The following NAA15 variants were observed in gnomAD, a reference collection of about 807,000 sequenced individuals.
NAA15 encodes the protein N-alpha-acetyltransferase 15, NatA auxiliary subunit.
NAA15 carries 34 observed loss-of-function variants against 114.0 expected under a neutral mutation model. That is an observed-to-expected ratio of 0.30 (90% CI 0.23 to 0.40). NAA15 has a LOEUF of 0.40. Ranked by LOEUF, NAA15 falls within the 10% of genes least tolerant of loss-of-function variation. The pLI is 1.00. For missense variants in NAA15, 658 were observed against 1,004.5 expected, an observed-to-expected ratio of 0.66 and a Z score of 4.66; for synonymous variants, 340 against 338.0, an observed-to-expected ratio of 1.01 and a Z score of -0.06.
At chr4:139,322,229 G>T (rs1052078343) in intron 1 of NAA15, among the ~76,000 whole-genome samples, 2 of 152,164 alleles carry the variant, frequency 1.3e-5, no homozygotes, top group Non-Finnish European at 2.9e-5. Flanking sequence ...TTCCTGTGCT[G>T]TTCTCATGAT....
intron 1 of NAA15, among the ~76,000 whole-genome samples, chr4:139,305,676 A>G (rs764465842): frequency 6.6e-6 from 1 of 151,924 alleles, no homozygotes; most frequent in South Asian, 2.1e-4. Flanking sequence ...CTGGGATTAC[A>G]GGCGTGTGCC....
At chr4:139,366,890 T>C (rs927148734) in intron 14 of NAA15, among the ~76,000 whole-genome samples, 2 of 152,218 alleles carry the variant, frequency 1.3e-5, no homozygotes, top group Admixed American at 1.3e-4. Context: ...ATTACAGGCA[T>C]GAGCCACCAC....
intron 1 of NAA15, among the ~76,000 whole-genome samples, chr4:139,332,013 A>G (rs1239850505): frequency 6.6e-6 from 1 of 152,096 alleles, no homozygotes; most frequent in Non-Finnish European, 1.5e-5. Context: ...CAAGCACACT[A>G]GTTCGATTTT....
intron 17 of NAA15, chr4:139,379,276 A>G (rs1407972185): frequency 6.5e-6 from 1 of 152,774 alleles, no homozygotes; most frequent in Non-Finnish European, 1.5e-5. Flanking sequence ...GAGTCATAAA[A>G]TTTTTTGTTA....
chr4:139,385,272 T>TATATATATA (rs1553999060), intron 18 of NAA15, among the ~76,000 whole-genome samples: 3 of 98,746 alleles, frequency 3.0e-5, no homozygotes, highest in African/African-American at 1.0e-4. Flanking sequence ...AAACCAAACA[T>TATATATATA]ATATATATAT....
intron 1 of NAA15, among the ~76,000 whole-genome samples, chr4:139,308,508 T>A (rs926770100): frequency 2.0e-5 from 3 of 152,234 alleles, no homozygotes; most frequent in African/African-American, 7.2e-5. Context: ...TGCTTGTACT[T>A]CATATATTTA....
At chr4:139,376,717 T>C (rs975864880) in intron 16 of NAA15, among the ~76,000 whole-genome samples, 1 of 152,244 alleles carries the variant, frequency 6.6e-6, no homozygotes, top group Non-Finnish European at 1.5e-5. Flanking sequence ...CAGATGTAAT[T>C]ACCATGTATA....
chr4:139,315,008 T>TCAGGTCAGGTCAGGTCAGGTC (rs1746346084), intron 1 of NAA15, among the ~76,000 whole-genome samples: 1 of 96,684 alleles, frequency 1.0e-5, no homozygotes, highest in Non-Finnish European at 2.1e-5. Flanking sequence ...CAGTTTAGTT[T>TCAGGTCAGGTCAGGTCAGGTC]AGGTTAGGTT....
At position 139,385,850 on chromosome 4, in the gene NAA15, T is replaced by G. The variant is rs1467721325; in HGVS notation, c.2303-283T>G. ...CAAGTATTATTAGAATGCTTGTGTT[T>G]CTTCATAGTCTCCTTTACTGTGCAT... On this transcript the variant is annotated intron_variant, in intron 18 of 19. Coordinates refer to ENST00000296543, the MANE Select transcript of NAA15 (RefSeq NM_057175.5). 2.0e-5 allele frequency among the ~76,000 whole-genome samples: 3 copies of G among 152,338 alleles called. No individual in the cohort carries two copies. In the East Asian group the frequency reaches 5.8e-4, roughly 29 times the overall value.
At chr4:139,352,523 A>G (rs1747811303) in intron 9 of NAA15, among the ~76,000 whole-genome samples, 1 of 152,146 alleles carries the variant, frequency 6.6e-6, no homozygotes, top group African/African-American at 2.4e-5. Context: ...GATGGAGCAA[A>G]TGAGACATAT....
chr4:139,334,065 T>C (rs1747118462), intron 1 of NAA15, 109 bp from the exon 2 acceptor site: 13 of 686,852 alleles, frequency 1.9e-5, no homozygotes, highest in Non-Finnish European at 3.0e-5. Context: ...TTTAGAAGCA[T>C]ATGGAAATAG....
chr4:139,343,025 G>T, intron 5 of NAA15, 65 bp downstream of exon 5: 1 of 1,413,054 alleles, frequency 7.1e-7, no homozygotes, highest in East Asian at 2.3e-5. Context: ...AATGTGCATA[G>T]TCTGGCTTAC....
At chr4:139,371,463 ACT>A (rs1307774133) in intron 15 of NAA15, among the ~76,000 whole-genome samples, 1 of 145,296 alleles carries the variant, frequency 6.9e-6, no homozygotes, top group Non-Finnish European at 1.5e-5. Context: ...ACATAGCAAG[ACT>A]CTGTCTCTTA....
intron 1 of NAA15, among the ~76,000 whole-genome samples, chr4:139,310,613 A>T (rs1309848306): frequency 6.6e-6 from 1 of 151,238 alleles, no homozygotes; most frequent in Non-Finnish European, 1.5e-5. Context: ...TTTAATTTTA[A>T]ATTTATTTTT....
rs1460554966 is a variant in NAA15, at chr4:139,389,096, A to G, written c.*1012A>G. 2 of 152,448 alleles carry G rather than the reference A, an allele frequency of 1.3e-5. No homozygotes were observed. Among genetic ancestry groups the G allele is most frequent in the Non-Finnish European group, 2.9e-5 (2 of 67,990 alleles). 9.4% of individuals were successfully genotyped at this position (152,448 alleles called of 1,614,324 possible). ...CTCTGGAATTTTTCCACAGTGTCAC[A>G]GGTTTGTAATACTTGAAGCCCTACA... On this transcript the variant is annotated 3_prime_UTR_variant, in exon 20 of 20. Transcript: ENST00000296543.
At chr4:139,386,308 C>T in intron 19 of NAA15, 78 bp downstream of exon 19, 2 of 731,334 alleles carry the variant, frequency 2.7e-6, no homozygotes, top group Non-Finnish European at 2.3e-6. Flanking sequence ...GGTATTTATA[C>T]ACACTGTTTT....
At chr4:139,352,557 T>C (rs1361313354) in intron 9 of NAA15, among the ~76,000 whole-genome samples, 1 of 152,138 alleles carries the variant, frequency 6.6e-6, no homozygotes, top group Non-Finnish European at 1.5e-5. Context: ...CAGAATTACA[T>C]AATGTGCATT....
At position 139,389,371 on chromosome 4, in the gene NAA15, A is replaced by T. The variant is rs994816439; in HGVS notation, c.*1287A>T. Reference sequence around the variant, plus strand: ...TGTGTTGGGCTTCTGTGAAATACACAGGTGGAAACAGAGGTGCAAGCCAGA... The same window carrying T: ...TGTGTTGGGCTTCTGTGAAATACACTGGTGGAAACAGAGGTGCAAGCCAGA... On this transcript the variant is annotated 3_prime_UTR_variant, in exon 20 of 20. Transcript: ENST00000296543. 6.6e-6 allele frequency: 1 copy of T among 152,580 alleles called. No homozygotes were observed. The highest frequency in any genetic ancestry group is 1.5e-5 in the Non-Finnish European group (1 of 68,024). 9.5% of individuals were successfully genotyped at this position (152,580 alleles called of 1,614,324 possible). A position where few individuals can be genotyped will look rare whatever the true frequency, so the allele number is the denominator to read the frequency against.
intron 17 of NAA15, among the ~76,000 whole-genome samples, chr4:139,379,990 A>C (rs1013774507): frequency 1.3e-5 from 2 of 152,222 alleles, no homozygotes; most frequent in African/African-American, 4.8e-5. Flanking sequence ...GGTTGCAGTG[A>C]GCCGAGATCA....
Sources: gnomAD v4.1 joint callset for allele counts (sites outside exome capture counted in the v4.1 genomes callset) on GRCh38, gnomAD v4.1.1 for gene constraint, MANE v1.5 for transcripts, NCBI Gene and HGNC (gene_info 2026-07-23, HGNC 2026-07-21) for gene names.